SEMA3D: variants seen among roughly 807,000 people sequenced by gnomAD.
SEMA3D encodes the protein semaphorin 3D, also known as semaphorin-3D.
A neutral mutation model predicts 100.1 loss-of-function variants in SEMA3D; 84 were observed. The observed-to-expected ratio is 0.84, with a 90% CI of 0.70 to 1.01. The LOEUF (loss-of-function observed/expected upper bound fraction) is 1.01, where lower values mean the gene tolerates loss of function less well. Ranked by LOEUF, SEMA3D falls within the 50% of genes least tolerant of loss-of-function variation. The pLI is 0.00. For missense variants in SEMA3D, 875 were observed against 934.1 expected, an observed-to-expected ratio of 0.94 and a Z score of 0.82; for synonymous variants, 312 against 320.7, an observed-to-expected ratio of 0.97 and a Z score of 0.29.
chr7:85,015,017 T>A (rs752681300), intron 16 of SEMA3D, 42 bp downstream of exon 16: 1 of 1,490,928 alleles, frequency 6.7e-7, no homozygotes, highest in Non-Finnish European at 9.3e-7. Context: ...ATATTCAGCT[T>A]GTAGAAAGGA....
chr7:85,132,827 C>T (rs934115591), intron 2 of SEMA3D, among the ~76,000 whole-genome samples: 3 of 151,770 alleles, frequency 2.0e-5, no homozygotes, highest in Admixed American at 6.6e-5. Flanking sequence ...ATTTGATGTA[C>T]TGGACATGCA....
chr7:85,074,659 A>G (rs1283536527), intron 5 of SEMA3D, among the ~76,000 whole-genome samples: 1 of 151,166 alleles, frequency 6.6e-6, no homozygotes, highest in East Asian at 1.9e-4. Flanking sequence ...TCTTTGAGAC[A>G]GGCTGCTGGA....
At chr7:85,122,834 G>A (rs1789466058) in intron 2 of SEMA3D, among the ~76,000 whole-genome samples, 1 of 152,156 alleles carries the variant, frequency 6.6e-6, no homozygotes, top group Non-Finnish European at 1.5e-5. Flanking sequence ...GTTTATAAGA[G>A]GGAGGAGGTG....
At chr7:85,142,937 GC>G in intron 2 of SEMA3D, 2 of 985,184 alleles carry the variant, frequency 2.0e-6, no homozygotes, top group Non-Finnish European at 2.4e-6. Flanking sequence ...CTGAGACAAT[GC>G]CATCTTAGTT....
chr7:85,149,619 T>C (rs1021358543), intron 2 of SEMA3D, among the ~76,000 whole-genome samples: 1 of 152,144 alleles, frequency 6.6e-6, no homozygotes, highest in East Asian at 1.9e-4. Context: ...TTTGCCATAA[T>C]GGACTGAGAA....
chr7:85,135,207 A>C (rs1169602399), intron 2 of SEMA3D, among the ~76,000 whole-genome samples: 2 of 152,074 alleles, frequency 1.3e-5, no homozygotes, highest in Non-Finnish European at 2.9e-5. Flanking sequence ...GAATTAATGT[A>C]CTTTAAAATC....
At chr7:85,052,407 C>T (rs1489343943) in intron 9 of SEMA3D, among the ~76,000 whole-genome samples, 1 of 151,924 alleles carries the variant, frequency 6.6e-6, no homozygotes, top group Non-Finnish European at 1.5e-5. Flanking sequence ...CAGACACATC[C>T]CTTGAATTCC....
chr7:85,189,591 G>A (rs1366058335), upstream of SEMA3D, among the ~76,000 whole-genome samples: 4 of 152,148 alleles, frequency 2.6e-5, no homozygotes, highest in Non-Finnish European at 2.9e-5. Flanking sequence ...CACTGAAAGC[G>A]ATGTGTATAT....
intron 18 of SEMA3D, among the ~76,000 whole-genome samples, chr7:85,005,501 A>G (rs979662486): frequency 1.3e-5 from 2 of 152,096 alleles, no homozygotes; most frequent in African/African-American, 4.8e-5. Context: ...TGTATTAAGT[A>G]TGTAAAGAGT....
intron 4 of SEMA3D, among the ~76,000 whole-genome samples, chr7:85,093,737 G>C (rs1788469740): frequency 6.6e-6 from 1 of 151,990 alleles, no homozygotes; most frequent in Non-Finnish European, 1.5e-5. Flanking sequence ...ACACTACTTA[G>C]TGTATTTTAT....
Position 85,179,569 on chromosome 7 carries a change from A to G in SEMA3D, c.-173+7109T>C, listed in dbSNP as rs192281240. On this transcript the variant is annotated intron_variant, in intron 1 of 18. Coordinates refer to ENST00000284136, the MANE Select transcript of SEMA3D (RefSeq NM_001384900.1). ...TGCATTTCCCCAATGCCTGTACCCC[A>G]ATTATATTTTGAAGTAACTAACTTG... 2.0e-5 allele frequency among the ~76,000 whole-genome samples: 3 copies of G among 152,136 alleles called. No individual in the cohort carries two copies. The East Asian group carries it at 5.8e-4, about 29-fold the overall frequency.
At chr7:85,161,724 C>T (rs1790750360) in intron 1 of SEMA3D, among the ~76,000 whole-genome samples, 1 of 152,086 alleles carries the variant, frequency 6.6e-6, no homozygotes, top group African/African-American at 2.4e-5. Context: ...CTATGAATCA[C>T]TCTGTAATAC....
the SEMA3D span, among the ~76,000 whole-genome samples, chr7:85,195,580 G>A: frequency 6.6e-6 from 1 of 152,066 alleles, no homozygotes; most frequent in African/African-American, 2.4e-5. Context: ...AGTCTCCTGA[G>A]TAGCTGGGGC....
At chr7:85,086,626 CT>C in intron 4 of SEMA3D, among the ~76,000 whole-genome samples, 1 of 146,562 alleles carries the variant, frequency 6.8e-6, no homozygotes, top group Admixed American at 6.7e-5. Flanking sequence ...CTCTCTCTCT[CT>C]CTCCGTGTGT....
rs546353727 is a variant in SEMA3D, at chr7:85,044,296, C to G, written c.862-2011G>C. 2.0e-5 allele frequency among the ~76,000 whole-genome samples: 3 copies of G among 152,082 alleles called. No homozygotes were observed. The South Asian group carries it at 6.2e-4, about 32-fold the overall frequency. On this transcript the variant is annotated intron_variant, in intron 9 of 18. Coordinates refer to ENST00000284136, the MANE Select transcript of SEMA3D (RefSeq NM_001384900.1). ...GGGGAGAAAGAAAGGAAACCAGAGA[C>G]CAGAGGTATCTTTATAGCCTTAGCA... is the stretch of plus-strand genomic sequence containing the variant.
At chr7:85,205,922 G>A in the SEMA3D span, among the ~76,000 whole-genome samples, 1 of 152,090 alleles carries the variant, frequency 6.6e-6, no homozygotes, top group South Asian at 2.1e-4. Context: ...TGCCTGCTAT[G>A]CCCATATAGT....
chr7:85,142,767 G>A, intron 2 of SEMA3D: 2 of 982,118 alleles, frequency 2.0e-6, no homozygotes, highest in Non-Finnish European at 2.4e-6. Context: ...AAGATTCCCA[G>A]ACTAACCACA....
At chr7:85,208,619 A>C in the SEMA3D span, among the ~76,000 whole-genome samples, 1 of 152,148 alleles carries the variant, frequency 6.6e-6, no homozygotes, top group Non-Finnish European at 1.5e-5. Flanking sequence ...CAAAATCCAG[A>C]CATTGGGAAT....
At chr7:85,236,999 C>T in the SEMA3D span, among the ~76,000 whole-genome samples, 3 of 152,096 alleles carry the variant, frequency 2.0e-5, no homozygotes, top group Non-Finnish European at 4.4e-5. Flanking sequence ...TCTTCAATAA[C>T]TTTTTGTAAT....
Sources: allele counts gnomAD v4.1 joint callset (sites outside exome capture counted in the v4.1 genomes callset), GRCh38; gene constraint gnomAD v4.1.1; transcripts MANE v1.5; gene names NCBI Gene and HGNC (gene_info 2026-07-23, HGNC 2026-07-21).